Variants in ERBB4 observed in about 807,000 individuals in gnomAD.
ERBB4 encodes the protein erb-b2 receptor tyrosine kinase 4, also known as receptor tyrosine-protein kinase erbB-4.
In ERBB4, 42 loss-of-function variants were observed where a neutral mutation model predicts 158.0. The ratio of observed to expected loss-of-function variants is 0.27; its 90% CI spans 0.21 to 0.34. The LOEUF is 0.34. Ranked by LOEUF, ERBB4 falls within the 10% of genes least tolerant of loss-of-function variation. The pLI is 1.00. For missense variants in ERBB4, 1,333 were observed against 1,624.1 expected (o/e 0.82, Z 3.08); for synonymous variants, 583 against 558.7 (o/e 1.04, Z -0.61).
chr2:211,439,545 T>G (rs569492454), intron 20 of ERBB4, among the ~76,000 whole-genome samples: 49 of 152,336 alleles, frequency 3.2e-4, no homozygotes, highest in African/African-American at 1.2e-3. Flanking sequence ...TCATATAGCA[T>G]AATGGTTAAG....
chr2:211,710,665 T>C (rs1239506650), intron 9 of ERBB4, among the ~76,000 whole-genome samples: 1 of 152,116 alleles, frequency 6.6e-6, no homozygotes, highest in Non-Finnish European at 1.5e-5. Flanking sequence ...AGGGACCCAG[T>C]GGGAGGAAAC....
intron 2 of ERBB4, among the ~76,000 whole-genome samples, chr2:212,086,548 T>C (rs2078618949): frequency 6.6e-6 from 1 of 152,030 alleles, no homozygotes; most frequent in African/African-American, 2.4e-5. Flanking sequence ...AACTATTTAA[T>C]TTTATGAATG....
At chr2:211,734,705 G>T (rs13015689) in intron 5 of ERBB4, among the ~76,000 whole-genome samples, 3 of 148,030 alleles carry the variant, frequency 2.0e-5, no homozygotes, top group African/African-American at 5.0e-5. Flanking sequence ...CGGATCATGA[G>T]GTCAGGAGAT....
At chr2:211,756,594 G>A (rs1322217033) in intron 4 of ERBB4, among the ~76,000 whole-genome samples, 1 of 152,130 alleles carries the variant, frequency 6.6e-6, no homozygotes, top group Non-Finnish European at 1.5e-5. Flanking sequence ...GACCTGTAGG[G>A]TAGAAAATGG....
chr2:211,757,165 T>C (rs778726819), intron 4 of ERBB4, among the ~76,000 whole-genome samples: 6 of 152,212 alleles, frequency 3.9e-5, no homozygotes, highest in Non-Finnish European at 7.3e-5. Flanking sequence ...ATCTGTTTAT[T>C]TGTATTCACT....
intron 1 of ERBB4, among the ~76,000 whole-genome samples, chr2:212,531,796 T>C (rs1692771379): frequency 6.6e-6 from 1 of 152,222 alleles, no homozygotes; most frequent in Non-Finnish European, 1.5e-5. Flanking sequence ...TGGGCTCCTG[T>C]GTGACTTTTA....
At chr2:212,211,839 G>A (rs2082946146) in intron 1 of ERBB4, among the ~76,000 whole-genome samples, 1 of 151,968 alleles carries the variant, frequency 6.6e-6, no homozygotes, top group African/African-American at 2.4e-5. Flanking sequence ...TCCTGTGTTA[G>A]TTTGCTGATG....
chr2:212,452,278 T>C (rs2092457476), intron 1 of ERBB4, among the ~76,000 whole-genome samples: 1 of 152,186 alleles, frequency 6.6e-6, no homozygotes, highest in Non-Finnish European at 1.5e-5. Flanking sequence ...TCTGAAAAGA[T>C]TAAACTATAA....
At chr2:211,656,061 A>C (rs1171771589) in intron 16 of ERBB4, among the ~76,000 whole-genome samples, 1 of 152,244 alleles carries the variant, frequency 6.6e-6, no homozygotes, top group Admixed American at 6.5e-5. Flanking sequence ...TCACAAAAGA[A>C]GCCAGATGCA....
intron 20 of ERBB4, among the ~76,000 whole-genome samples, chr2:211,544,414 C>T (rs1274424158): frequency 6.6e-6 from 1 of 151,932 alleles, no homozygotes; most frequent in Non-Finnish European, 1.5e-5. Flanking sequence ...GCTGCCTTGC[C>T]CCACTCGTAG....
At chr2:211,504,009 A>G (rs1574624196) in intron 20 of ERBB4, among the ~76,000 whole-genome samples, 1 of 152,136 alleles carries the variant, frequency 6.6e-6, no homozygotes, top group East Asian at 1.9e-4. Flanking sequence ...TCCCACTGTC[A>G]TCACTGCAAT....
intron 2 of ERBB4, among the ~76,000 whole-genome samples, chr2:212,081,199 C>T (rs530263323): frequency 1.1e-4 from 16 of 152,128 alleles, no homozygotes; most frequent in African/African-American, 2.9e-4. Flanking sequence ...AATAAAAAGA[C>T]GGGTGGTGAG....
chr2:211,657,106 C>T (rs2071244242), intron 16 of ERBB4, among the ~76,000 whole-genome samples: 1 of 152,072 alleles, frequency 6.6e-6, no homozygotes, highest in African/African-American at 2.4e-5. Context: ...TAAACTTCTG[C>T]AAATTCCTTA....
intron 1 of ERBB4, 117 bp downstream of exon 1, chr2:212,538,332 C>T: frequency 2.3e-6 from 2 of 882,004 alleles, no homozygotes; most frequent in Admixed American, 1.7e-5. Context: ...GGGAAGAGGC[C>T]CCGGTCAAGC....
At chr2:211,762,001 T>C (rs1048409561) in intron 4 of ERBB4, among the ~76,000 whole-genome samples, 25 of 152,228 alleles carry the variant, frequency 1.6e-4, no homozygotes. Context: ...CAGGTAATGA[T>C]ACCTACTTCA....
At chr2:211,780,503 G>C (rs547819973) in intron 4 of ERBB4, among the ~76,000 whole-genome samples, 1 of 152,212 alleles carries the variant, frequency 6.6e-6, no homozygotes, top group East Asian at 1.9e-4. Flanking sequence ...GCTTGCTTCC[G>C]TAATGTTCTT....
chr2:211,604,908 A>G (rs2068929306), intron 19 of ERBB4, among the ~76,000 whole-genome samples: 1 of 152,202 alleles, frequency 6.6e-6, no homozygotes, highest in Non-Finnish European at 1.5e-5. Flanking sequence ...ATCTATTTGA[A>G]TTGCTAATGT....
intron 1 of ERBB4, among the ~76,000 whole-genome samples, chr2:212,290,797 A>G (rs2086178442): frequency 6.6e-6 from 1 of 152,120 alleles, no homozygotes; most frequent in Non-Finnish European, 1.5e-5. Context: ...CAAATAACGA[A>G]CATATACCAT....
At chr2:212,479,236 TC>T (rs1689560218) in intron 1 of ERBB4, among the ~76,000 whole-genome samples, 1 of 152,138 alleles carries the variant, frequency 6.6e-6, no homozygotes, top group African/African-American at 2.4e-5. Context: ...GTTGACAGAC[TC>T]CCTTTATCTC....
Sources: allele counts gnomAD v4.1 joint callset (sites outside exome capture counted in the v4.1 genomes callset), GRCh38; gene constraint gnomAD v4.1.1; transcripts MANE v1.5; gene names NCBI Gene and HGNC (gene_info 2026-07-23, HGNC 2026-07-21).